The following DACH1 variants were observed in gnomAD, a reference collection of about 807,000 sequenced individuals.
DACH1 encodes dachshund family transcription factor 1.
Under a neutral mutation model 54.2 loss-of-function variants are expected in DACH1, and 12 were observed. That is an observed-to-expected ratio of 0.22 (90% confidence interval 0.14 to 0.36). The LOEUF is 0.36. DACH1 is among the 10% of genes least tolerant of loss of function. DACH1 has a pLI of 1.00. For synonymous variants in DACH1, 386 were observed against 366.2 expected (o/e 1.05, Z -0.62); for missense variants, 805 against 929.8 (o/e 0.87, Z 1.75).
intron 6 of DACH1, among the ~76,000 whole-genome samples, chr13:71,530,178 G>C (rs748451754): frequency 2.6e-5 from 4 of 152,086 alleles, no homozygotes; most frequent in Non-Finnish European, 5.9e-5. Flanking sequence ...GGACATATAT[G>C]ACTTGGAACA....
intron 3 of DACH1, among the ~76,000 whole-genome samples, chr13:71,595,295 G>A (rs1874014739): frequency 6.6e-6 from 1 of 152,026 alleles, no homozygotes; most frequent in South Asian, 2.1e-4. Context: ...GCCCAATCGT[G>A]GAAGGGATTG....
intron 6 of DACH1, among the ~76,000 whole-genome samples, chr13:71,509,692 G>A (rs1216091121): frequency 3.3e-5 from 5 of 151,932 alleles, no homozygotes; most frequent in African/African-American, 1.2e-4. Context: ...TGCCTCAAAT[G>A]TACTGCCTCA....
chr13:71,779,216 TACGTATATAC>T (rs1886239250), intron 1 of DACH1, among the ~76,000 whole-genome samples: 2 of 98,830 alleles, frequency 2.0e-5, no homozygotes, highest in Non-Finnish European at 4.0e-5. Flanking sequence ...TGTATATATA[TACGTATATAC>T]GTATATATAC....
chr13:71,472,169 A>G (rs1216734978), intron 10 of DACH1, among the ~76,000 whole-genome samples: 1 of 152,194 alleles, frequency 6.6e-6, no homozygotes, highest in Non-Finnish European at 1.5e-5. Flanking sequence ...CTGTACTTAT[A>G]GCATTTTTAC....
At chr13:71,615,170 A>G (rs1486297909) in intron 3 of DACH1, among the ~76,000 whole-genome samples, 2 of 152,298 alleles carry the variant, frequency 1.3e-5, no homozygotes, top group East Asian at 3.9e-4. Context: ...CTACATGTAA[A>G]GAAGTCATTA....
intron 1 of DACH1, among the ~76,000 whole-genome samples, chr13:71,855,672 C>G (rs1045888382): frequency 3.3e-5 from 5 of 151,854 alleles, no homozygotes; most frequent in South Asian, 2.1e-4. Context: ...CAGTGACCAC[C>G]TTCATTTATT....
chr13:71,455,158 A>C (rs796096700), intron 10 of DACH1, among the ~76,000 whole-genome samples: 1 of 152,180 alleles, frequency 6.6e-6, no homozygotes. Flanking sequence ...ATGTGCAAAA[A>C]TCAAAACAAA....
chr13:71,550,313 T>G (rs956121100), intron 6 of DACH1, among the ~76,000 whole-genome samples: 1 of 152,126 alleles, frequency 6.6e-6, no homozygotes, highest in African/African-American at 2.4e-5. Context: ...TTGTACCCAC[T>G]AATGCCAGAC....
intron 7 of DACH1, among the ~76,000 whole-genome samples, chr13:71,487,898 T>G (rs1265510524): frequency 1.3e-5 from 2 of 152,196 alleles, no homozygotes; most frequent in African/African-American, 2.4e-5. Flanking sequence ...AGAAAAGTCT[T>G]TTGTTTTATA....
At chr13:71,473,194 C>T (rs1298057141) in intron 10 of DACH1, among the ~76,000 whole-genome samples, 3 of 152,238 alleles carry the variant, frequency 2.0e-5, no homozygotes, top group East Asian at 1.9e-4. Context: ...ACCAGTACAA[C>T]AATGGACAGG....
In DACH1 at chr13:71,462,177, T is replaced by C. The variant is rs1183171511; in HGVS notation, c.2083+12964A>G. 2.6e-5 allele frequency among the ~76,000 whole-genome samples: 4 copies of C among 151,902 alleles called. 1 individual carries two copies. In the South Asian group the frequency reaches 6.2e-4, roughly 24 times the overall value. ...TTACTATCTCTGGAGTGTGATTATA[T>C]ATGAATTAGAAGAGTCTGCAGTTAC... is the stretch of plus-strand genomic sequence containing the variant. On this transcript the variant is annotated intron_variant, in intron 10 of 10. Coordinates refer to ENST00000613252, the MANE Select transcript of DACH1 (RefSeq NM_080759.6).
chr13:71,562,047 G>A (rs1031798437), intron 4 of DACH1, among the ~76,000 whole-genome samples: 6 of 151,750 alleles, frequency 4.0e-5, no homozygotes, highest in South Asian at 4.1e-4. Context: ...TTTTAATCTC[G>A]AAAGTTGCAA....
intron 1 of DACH1, among the ~76,000 whole-genome samples, chr13:71,847,599 A>T (rs1264192855): frequency 1.3e-5 from 2 of 152,190 alleles, no homozygotes; most frequent in Non-Finnish European, 2.9e-5. Context: ...GTTAACAGTG[A>T]TGAAAAATAT....
intron 1 of DACH1, among the ~76,000 whole-genome samples, chr13:71,771,182 T>G (rs1208744001): frequency 6.6e-6 from 1 of 151,028 alleles, no homozygotes; most frequent in Non-Finnish European, 1.5e-5. Flanking sequence ...TTTTAGATAA[T>G]GAAATTTTAG....
At chr13:71,736,179 G>C (rs992256282) in intron 1 of DACH1, among the ~76,000 whole-genome samples, 5 of 152,140 alleles carry the variant, frequency 3.3e-5, no homozygotes, top group South Asian at 2.1e-4. Context: ...TTTGTTCAAA[G>C]TGACCAAAGA....
intron 6 of DACH1, among the ~76,000 whole-genome samples, chr13:71,536,113 A>T (rs968881124): frequency 2.6e-5 from 4 of 152,072 alleles, no homozygotes; most frequent in Non-Finnish European, 2.9e-5. Context: ...TCTAGTCAAA[A>T]ATTTAACAAT....
intron 4 of DACH1, among the ~76,000 whole-genome samples, chr13:71,561,816 T>C (rs886439773): frequency 2.6e-5 from 4 of 152,154 alleles, no homozygotes; most frequent in African/African-American, 9.6e-5. Context: ...ATGATGTACA[T>C]TGCCAATAAA....
At chr13:71,449,935 G>A (rs1305039160) in intron 10 of DACH1, among the ~76,000 whole-genome samples, 1 of 131,746 alleles carries the variant, frequency 7.6e-6, no homozygotes, top group Non-Finnish European at 1.6e-5. Flanking sequence ...TGGGGGGAGG[G>A]GGAGGGATAG....
At chr13:71,659,664 A>T (rs1879368262) in intron 2 of DACH1, among the ~76,000 whole-genome samples, 1 of 152,176 alleles carries the variant, frequency 6.6e-6, no homozygotes, top group Admixed American at 6.5e-5. Context: ...CACAGAGCTG[A>T]CATTCCTTTT....
Sources: gnomAD v4.1 joint callset for allele counts (sites outside exome capture counted in the v4.1 genomes callset) on GRCh38, gnomAD v4.1.1 for gene constraint, MANE v1.5 for transcripts, NCBI Gene and HGNC (gene_info 2026-07-23, HGNC 2026-07-21) for gene names.